Variants in TTL observed in about 807,000 individuals in gnomAD.
TTL encodes tubulin--tyrosine ligase.
TTL carries 10 observed loss-of-function variants against 41.1 expected under a neutral mutation model. The observed-to-expected ratio is 0.24, with a 90% confidence interval of 0.15 to 0.41. TTL has a LOEUF of 0.41. Among genes scored for constraint, TTL ranks in the 10% least tolerant of loss-of-function variants. The probability of loss-of-function intolerance (pLI) is 1.00; values close to 1 mark genes in which losing one functional copy is unlikely to be tolerated. For missense variants in TTL, 367 were observed against 460.4 expected (o/e 0.80, Z 1.86); for synonymous variants, 175 against 175.5 (o/e 1.00, Z 0.02).
In TTL at chr2:112,503,319, T is replaced by G. The variant is rs374476188; in HGVS notation, c.875+138T>G. ...TTTGTAATATTCCTTTATTTTCCTT[T>G]TAATGTCTGCAGGTTCTGTAATGAT... On this transcript the variant is annotated intron_variant, in intron 5 of 6. Coordinates refer to ENST00000233336, the MANE Select transcript of TTL (RefSeq NM_153712.5). 3 of 680,368 alleles carry G rather than the reference T, an allele frequency of 4.4e-6. No homozygotes were observed. In the East Asian group the frequency reaches 8.5e-5, roughly 19 times the overall value. 42.1% of individuals were successfully genotyped at this position (680,368 alleles called of 1,614,324 possible). A position where few individuals can be genotyped will look rare whatever the true frequency, so the allele number is the denominator to read the frequency against.
chr2:112,499,515 A>C (rs1357863423), intron 3 of TTL, among the ~76,000 whole-genome samples: 4 of 152,228 alleles, frequency 2.6e-5, no homozygotes, highest in African/African-American at 9.6e-5. Context: ...AACTAACTCA[A>C]AATGGATCGT....
chr2:112,502,153 C>G (rs1681717364), intron 4 of TTL, among the ~76,000 whole-genome samples: 1 of 152,170 alleles, frequency 6.6e-6, no homozygotes, highest in Non-Finnish European at 1.5e-5. Context: ...AAACAGCCCT[C>G]CCTCTCCAAC....
chr2:112,517,109 G>A (rs1427241772), intron 5 of TTL, among the ~76,000 whole-genome samples: 1 of 141,922 alleles, frequency 7.0e-6, no homozygotes. Flanking sequence ...AGTCTCTGAT[G>A]AGGGATAAAA....
At chr2:112,525,229 C>T (rs1276037615) in intron 6 of TTL, among the ~76,000 whole-genome samples, 1 of 152,154 alleles carries the variant, frequency 6.6e-6, no homozygotes, top group Non-Finnish European at 1.5e-5. Context: ...TAGGGTGATG[C>T]CTCCAGCTTT....
chr2:112,526,065 T>C (rs1682365091), intron 6 of TTL, among the ~76,000 whole-genome samples: 1 of 152,236 alleles, frequency 6.6e-6, no homozygotes, highest in Non-Finnish European at 1.5e-5. Context: ...TGTCTTTGGT[T>C]CTGTTTATAT....
At chr2:112,503,273 C>A in intron 5 of TTL, 92 bp downstream of exon 5, 3 of 1,212,900 alleles carry the variant, frequency 2.5e-6, no homozygotes, top group Non-Finnish European at 3.4e-6. Flanking sequence ...TATAAGTTGT[C>A]TAATTTATGG....
intron 6 of TTL, chr2:112,522,646 A>C (rs1574071815): frequency 6.6e-6 from 1 of 152,548 alleles, no homozygotes; most frequent in Admixed American, 6.5e-5. Context: ...TAGTATCTGC[A>C]CCTGCCTTCC....
At chr2:112,494,715 C>G (rs1386178395) in intron 3 of TTL, among the ~76,000 whole-genome samples, 1 of 150,740 alleles carries the variant, frequency 6.6e-6, no homozygotes, top group East Asian at 1.9e-4. Flanking sequence ...ACTATTCACT[C>G]AGTCTCTGAA....
At chr2:112,502,368 G>T (rs1681725372) in intron 4 of TTL, among the ~76,000 whole-genome samples, 1 of 152,140 alleles carries the variant, frequency 6.6e-6, no homozygotes, top group African/African-American at 2.4e-5. Context: ...TTGGTGTGGT[G>T]GCTCATGCCT....
intron 1 of TTL, among the ~76,000 whole-genome samples, chr2:112,485,106 C>T (rs1032421257): frequency 5.3e-5 from 8 of 152,112 alleles, no homozygotes; most frequent in African/African-American, 1.2e-4. Context: ...TGCGCCACCA[C>T]GCCCAGCTAG....
chr2:112,521,715 A>C (rs1453259186), intron 6 of TTL, among the ~76,000 whole-genome samples: 1 of 152,118 alleles, frequency 6.6e-6, no homozygotes, highest in East Asian at 1.9e-4. Flanking sequence ...CACAGTGGGG[A>C]GCAAAGAGAG....
rs1309917145 is a variant in TTL, at chr2:112,503,078, G to C, written c.772G>C (p.Glu258Gln). Residue 258 changes from glutamate to glutamine, a missense_variant, in exon 5 of 7, where the codon GAA becomes CAA. Glu to Gln is a conservative substitution (Grantham distance 29). Transcript: ENST00000233336. ...EYSKNYGKYE[E>Q]GNEMFFKEFN... is the part of the protein sequence containing the mutation. ...TTCAAAGAACTACGGGAAGTATGAA[G>C]AAGGAAATGAAATGTTCTTCAAGGA... 1.2e-6 allele frequency: 2 copies of C among 1,613,906 alleles called. No homozygotes were observed. Among genetic ancestry groups the C allele is most frequent in the Non-Finnish European group, 8.5e-7 (1 of 1,180,000 alleles).
intron 6 of TTL, among the ~76,000 whole-genome samples, chr2:112,527,922 G>T (rs1682406957): frequency 6.6e-6 from 1 of 152,146 alleles, no homozygotes; most frequent in Admixed American, 6.5e-5. Flanking sequence ...GGTCTTTACA[G>T]TTTGGCATGT....
At chr2:112,484,807 G>A (rs1391202781) in intron 1 of TTL, among the ~76,000 whole-genome samples, 1 of 152,094 alleles carries the variant, frequency 6.6e-6, no homozygotes, top group Non-Finnish European at 1.5e-5. Context: ...ATGCCTGCCT[G>A]AAACTTTTGA....
At chr2:112,485,877 G>GACATTGTCATTCCCCACC in intron 1 of TTL, 40 bp from the exon 2 acceptor site, 2 of 1,566,246 alleles carry the variant, frequency 1.3e-6, no homozygotes, top group African/African-American at 2.8e-5. Context: ...CCTGCTTGCT[G>GACATTGTCATTCCCCACC]TGTCCTGTGT....
At chr2:112,489,079 G>T (rs557030621) in intron 2 of TTL, among the ~76,000 whole-genome samples, 2 of 151,960 alleles carry the variant, frequency 1.3e-5, no homozygotes, top group Admixed American at 6.6e-5. Context: ...AGAGTGAGAC[G>T]CCGTCTCAAA....
intron 5 of TTL, among the ~76,000 whole-genome samples, chr2:112,509,889 C>T (rs1250272504): frequency 1.3e-5 from 2 of 152,246 alleles, no homozygotes; most frequent in Non-Finnish European, 2.9e-5. Context: ...CCCCCTCGGC[C>T]TCCCAAAGTG....
At position 112,532,204 on chromosome 2, in the gene TTL, G is replaced by A. The variant is rs906225402; in HGVS notation, c.*3409G>A. 1 of 227,252 alleles carries A rather than the reference G, an allele frequency of 4.4e-6. No homozygotes were observed. The highest frequency in any genetic ancestry group is 2.2e-5 in the African/African-American group (1 of 45,120). The allele number at this position is 227,252 out of a possible 1,614,324, so 14.1% of individuals were successfully genotyped here. ...GGAGGTCCAGCCCTCTTGCAAGTGT[G>A]GTGAGAGGCTCTACTAGCAAAGACA... is the stretch of plus-strand genomic sequence containing the variant. On this transcript the variant is annotated 3_prime_UTR_variant, in exon 7 of 7. Transcript: ENST00000233336.
intron 6 of TTL, among the ~76,000 whole-genome samples, chr2:112,526,489 T>C (rs549487206): frequency 4.6e-5 from 7 of 152,352 alleles, no homozygotes; most frequent in South Asian, 4.1e-4. Flanking sequence ...TATTCAGGGA[T>C]TCAACTTCTT....
Sources: gnomAD v4.1 joint callset for allele counts (sites outside exome capture counted in the v4.1 genomes callset) on GRCh38, gnomAD v4.1.1 for gene constraint, MANE v1.5 for transcripts, NCBI Gene and HGNC (gene_info 2026-07-23, HGNC 2026-07-21) for gene names.